PUM1: variants seen among roughly 807,000 people sequenced by gnomAD.
PUM1 encodes pumilio homolog 1.
A neutral mutation model predicts 131.8 loss-of-function variants in PUM1; 13 were observed. The observed-to-expected ratio is 0.10, with a 90% confidence interval of 0.06 to 0.16. PUM1 has a LOEUF of 0.16. PUM1 is among the 10% of genes least tolerant of loss of function. The probability of loss-of-function intolerance (pLI) is 1.00; values close to 1 mark genes in which losing one functional copy is unlikely to be tolerated. For synonymous variants in PUM1, 509 were observed against 556.5 expected (o/e 0.91, Z 1.20); for missense variants, 961 against 1,512.4 (o/e 0.64, Z 6.05).
At chr1:30,977,250 G>T (rs1319343200) in intron 9 of PUM1, among the ~76,000 whole-genome samples, 1 of 152,160 alleles carries the variant, frequency 6.6e-6, no homozygotes, top group Non-Finnish European at 1.5e-5. Context: ...GTCAAGTGTG[G>T]AATTTTCCAC....
At chr1:30,953,193 T>G (rs186557727) in intron 15 of PUM1, among the ~76,000 whole-genome samples, 19 of 152,236 alleles carry the variant, frequency 1.2e-4, no homozygotes, top group African/African-American at 4.3e-4. Flanking sequence ...CTGTAGAAAC[T>G]GTTTCACTGG....
chr1:30,988,037 A>G (rs1178133554), intron 7 of PUM1, among the ~76,000 whole-genome samples: 1 of 152,230 alleles, frequency 6.6e-6, no homozygotes, highest in East Asian at 1.9e-4. Flanking sequence ...TAAATATGAC[A>G]GCTATTTTTA....
At chr1:31,010,871 C>T (rs770023011) in intron 3 of PUM1, among the ~76,000 whole-genome samples, 5 of 152,178 alleles carry the variant, frequency 3.3e-5, no homozygotes, top group Non-Finnish European at 5.9e-5. Flanking sequence ...GAGGCTTAAA[C>T]AACTGTCTTG....
intron 18 of PUM1, among the ~76,000 whole-genome samples, chr1:30,942,951 T>C (rs1246177950): frequency 6.6e-6 from 1 of 152,156 alleles, no homozygotes; most frequent in African/African-American, 2.4e-5. Context: ...AGACGGAGAT[T>C]CGCTATGTTG....
At position 30,964,870 on chromosome 1, in the gene PUM1, G is replaced by C; in HGVS notation, c.2127C>G (p.Ser709=). 6.2e-7 allele frequency: 1 copy of C among 1,614,102 alleles called. No homozygotes were observed. The highest frequency in any genetic ancestry group is 8.5e-7 in the Non-Finnish European group (1 of 1,180,008). ...TATAAAGGTCACTGCTGCCAGTCAGGGAGTCACGGCGGGAGCCACTGCCAG... is the reference window on the plus strand; with the variant it reads ...TATAAAGGTCACTGCTGCCAGTCAGCGAGTCACGGCGGGAGCCACTGCCAG... The part of the protein sequence containing the change: ...SNTGSGSRRD[S]LTGSSDLYKR... The change falls in exon 14 of 22, where the codon TCC becomes TCG. Residue 709 remains serine (S), a synonymous_variant. Transcript: ENST00000426105.
rs1409065460 is a variant in PUM1, at chr1:30,952,679, GGGGC to G, written c.2592-320_2592-317del. ...GGTGGGAGGGAAGATGAAAGCGGGG[GGGGC>G]GGGGGGGGGGCGGGAGGGGCAGGGG... On this transcript the variant is annotated intron_variant, in intron 15 of 21. Transcript: ENST00000426105. Among the ~76,000 whole-genome samples the G allele has an allele frequency of 1.5e-3, 37 of 25,340 alleles. No individual in the cohort carries two copies. In the East Asian group the frequency reaches 0.041, roughly 28 times the overall value. 16.6% of individuals were successfully genotyped at this position (25,340 alleles called of 152,430 possible).
At chr1:30,980,261 A>G in intron 8 of PUM1, 98 bp from the exon 9 acceptor site, 2 of 958,108 alleles carry the variant, frequency 2.1e-6, no homozygotes, top group South Asian at 2.8e-5. Flanking sequence ...GACAGTAGAT[A>G]AGGAAAAAAT....
At chr1:30,933,481 CA>C (rs1557539647) in intron 21 of PUM1, 139 bp from the exon 22 acceptor site, 174 of 839,554 alleles carry the variant, frequency 2.1e-4, no homozygotes, top group Middle Eastern at 6.9e-4. Context: ...CACACACACA[CA>C]CACCCCTACA....
In PUM1 at chr1:31,059,559, A is replaced by G. The variant is rs757052434; in HGVS notation, c.8T>C (p.Val3Ala). Residue 3 changes from valine to alanine, a missense_variant, in exon 2 of 22, where the codon GTT becomes GCT. By Grantham distance (64) the Val-to-Ala change is moderately conservative. This residue lies in a region of PUM1 where 654 missense variants were observed against 923.9 expected (regional missense o/e 0.71). Coordinates refer to ENST00000426105, the MANE Select transcript of PUM1 (RefSeq NM_001020658.2). MS[V>A]ACVLKRKAVL... ...TGCTTTTCTCTTCAAGACACATGCAACGCTCATTCCACCAACACCTAAGGA... is the reference window on the plus strand; with the variant it reads ...TGCTTTTCTCTTCAAGACACATGCAGCGCTCATTCCACCAACACCTAAGGA... 6.2e-7 allele frequency: 1 copy of G among 1,609,628 alleles called. No homozygotes were observed. Among genetic ancestry groups the G allele is most frequent in the Admixed American group, 1.7e-5 (1 of 59,082 alleles).
intron 8 of PUM1, 124 bp from the exon 9 acceptor site, chr1:30,980,287 G>A (rs767558614): frequency 7.5e-5 from 57 of 764,582 alleles, no homozygotes; most frequent in Non-Finnish European, 1.1e-4. Context: ...AAGAGAAGAC[G>A]GGACAGGTTG....
At chr1:31,044,093 T>C (rs67150188) in intron 2 of PUM1, among the ~76,000 whole-genome samples, 43,052 of 151,872 alleles carry the variant, frequency 0.28, 6,588 homozygotes, top group Non-Finnish European at 0.34. Context: ...ATCTATACAA[T>C]GAAATATTAT....
chr1:31,034,893 T>C (rs2124557970), intron 2 of PUM1, among the ~76,000 whole-genome samples: 1 of 152,106 alleles, frequency 6.6e-6, no homozygotes, highest in Middle Eastern at 3.4e-3. Flanking sequence ...CCAGGAACCA[T>C]TATGGAAAGG....
chr1:30,963,843 A>C lies in PUM1; in HGVS notation c.2323+831T>G, dbSNP rs554981401. ...AAAAGTGTTCTGGTTTGCATGATAC[A>C]TTATATGGTGACTCTACATCTAGCA... On this transcript the variant is annotated intron_variant, in intron 14 of 21. Transcript: ENST00000426105. Among the ~76,000 whole-genome samples, 3 of 152,340 alleles carry C rather than the reference A, an allele frequency of 2.0e-5. No homozygotes were observed. In the South Asian group the frequency reaches 6.2e-4, roughly 32 times the overall value.
At position 30,936,664 on chromosome 1, in the gene PUM1, C is replaced by T. The variant is rs1639223290; in HGVS notation, c.3414G>A (p.Gln1138=). 4.3e-6 allele frequency: 7 copies of T among 1,613,924 alleles called. No homozygotes were observed. Among genetic ancestry groups the T allele is most frequent in the South Asian group, 1.1e-5 (1 of 91,050 alleles). The change falls in exon 21 of 22, where the codon CAG becomes CAA. Residue 1138 remains glutamine (Q), a synonymous_variant. Coordinates refer to ENST00000426105, the MANE Select transcript of PUM1 (RefSeq NM_001020658.2). The part of the protein sequence containing the change: ...QKMIDVAEPG[Q]RKIVMHKIRP... ...CTACCTTATGCATGACGATCTTCCG[C>T]TGGCCTGGCTCCGCCACGTCAATCA...
intron 11 of PUM1, 48 bp from the exon 12 acceptor site, chr1:30,967,358 T>G: frequency 1.3e-6 from 2 of 1,562,832 alleles, no homozygotes; most frequent in Non-Finnish European, 1.8e-6. Flanking sequence ...AACAAACAAG[T>G]ATCTCCTGGG....
chr1:31,034,591 C>A (rs1381862185), intron 2 of PUM1, among the ~76,000 whole-genome samples: 1 of 152,062 alleles, frequency 6.6e-6, no homozygotes, highest in Non-Finnish European at 1.5e-5. Flanking sequence ...GACTACAGTG[C>A]CCTTTAAAAA....
chr1:31,043,194 C>A lies in PUM1; in HGVS notation c.364-14330G>T, dbSNP rs573055066. 3.2e-4 allele frequency among the ~76,000 whole-genome samples: 48 copies of A among 149,348 alleles called. 1 individual carries two copies. The South Asian group carries it at 9.5e-3, about 30-fold the overall frequency. On this transcript the variant is annotated intron_variant, in intron 2 of 21. Coordinates refer to ENST00000426105, the MANE Select transcript of PUM1 (RefSeq NM_001020658.2). ...AGCAATTTGACTCAATAAACTCTAA[C>A]AAATTAAAGAACATTTCCTTTTTTT...
At chr1:30,995,373 G>A (rs1641943640) in intron 5 of PUM1, among the ~76,000 whole-genome samples, 153 bp from the exon 6 acceptor site, 1 of 152,148 alleles carries the variant, frequency 6.6e-6, no homozygotes. Context: ...CAACACAGAG[G>A]CAGGAACACT....
Position 30,938,892 on chromosome 1 carries a change from T to C in PUM1, c.3243-2057A>G, listed in dbSNP as rs536650628. 6.9e-3 allele frequency among the ~76,000 whole-genome samples: 732 copies of C among 106,388 alleles called. 4 individuals carry two copies. The highest frequency in any genetic ancestry group is 0.036 in the East Asian group (155 of 4,330). 69.8% of individuals were successfully genotyped at this position (106,388 alleles called of 152,430 possible). ...TCATAGATAGAGATAGATAGATAGA[T>C]AGATAGATAGATAGACAGACAGACA... On this transcript the variant is annotated intron_variant, in intron 20 of 21. Coordinates refer to ENST00000426105, the MANE Select transcript of PUM1 (RefSeq NM_001020658.2).
Sources: allele counts gnomAD v4.1 joint callset (sites outside exome capture counted in the v4.1 genomes callset), GRCh38; gene constraint gnomAD v4.1.1; regional missense constraint gnomAD v4.1.1; transcripts MANE v1.5; gene names NCBI Gene and HGNC (gene_info 2026-07-23, HGNC 2026-07-21).